The following NME3 variants were observed in gnomAD, a reference collection of about 807,000 sequenced individuals.
NME3 encodes NME/NM23 nucleoside diphosphate kinase 3, also known as nucleoside diphosphate kinase C.
NME3 carries 23 observed loss-of-function variants against 15.8 expected under a neutral mutation model. That is an observed-to-expected ratio of 1.45 (90% CI 1.05 to 2.06). NME3 has a LOEUF of 2.06. NME3 is among the 30% of genes most tolerant of loss of function. NME3 has a pLI of 0.00. For synonymous variants in NME3, 157 were observed against 104.4 expected, an observed-to-expected ratio of 1.50 and a Z score of -3.07; for missense variants, 354 against 243.2, an observed-to-expected ratio of 1.46 and a Z score of -3.03.
rs1259585312 is a variant in NME3, at chr16:1,771,387, T to C, written c.70A>G (p.Thr24Ala). 4 of 1,551,418 alleles carry C rather than the reference T, an allele frequency of 2.6e-6. No homozygotes were observed. Among genetic ancestry groups the C allele is most frequent in the Non-Finnish European group, 2.6e-6 (3 of 1,149,682 alleles). Residue 24 changes from threonine to alanine, a missense_variant, in exon 2 of 5, where the codon ACC becomes GCC. Thr to Ala is a moderately conservative substitution (Grantham distance 58). Coordinates refer to ENST00000219302, the MANE Select transcript of NME3 (RefSeq NM_002513.3). ...PAACTGAHER[T>A]FLAVKPDGVQ... ...CCGTCCGGCTTCACGGCCAGGAAGGTGCGTTCGTGTGCGCCGGTGCAGGCT... is the reference window on the plus strand; with the variant it reads ...CCGTCCGGCTTCACGGCCAGGAAGGCGCGTTCGTGTGCGCCGGTGCAGGCT...
intron 1 of NME3, 28 bp downstream of exon 1, chr16:1,771,461 C>A: frequency 7.5e-7 from 1 of 1,341,396 alleles, no homozygotes; most frequent in Non-Finnish European, 9.5e-7. Context: ...ACCGGCCACC[C>A]GCCCCCGGCC....
chr16:1,771,314 T>G lies in NME3; in HGVS notation c.143A>C (p.Lys48Thr). ...VGEIVRRFER[K>T]GFKLVALKLV... ...CTTCAGCGCCACCAACTTGAAGCCC[T>G]TCCTCTCGAAGCGCCGCACAATCTC... The change falls in exon 2 of 5, where the codon AAG (lysine) becomes ACG (threonine). Residue 48 changes from lysine (K) to threonine (T), a missense_variant. Physicochemically the swap from Lys to Thr is moderately conservative, Grantham distance 78. Coordinates refer to ENST00000219302, the MANE Select transcript of NME3 (RefSeq NM_002513.3). 1 of 1,605,840 alleles carries G rather than the reference T, an allele frequency of 6.2e-7. No individual in the cohort carries two copies. The highest frequency in any genetic ancestry group is 8.5e-7 in the Non-Finnish European group (1 of 1,177,636).
intron 3 of NME3, 26 bp from the exon 4 acceptor site, chr16:1,771,019 C>T (rs953788321): frequency 1.9e-6 from 3 of 1,593,490 alleles, no homozygotes; most frequent in Admixed American, 3.4e-5. Context: ...GGCGCGGTAT[C>T]ACGCGGGGGT....
Position 1,770,902 on chromosome 16 carries a change from T to G in NME3, c.371A>C (p.Asp124Ala), listed in dbSNP as rs2042578254. ...ADAPPGTIRG[D>A]FCIEVGKNLI... ...TTACTTGCCAACCTCGATGCAGAAA[T>G]CCCCGCGGATGGTGCCGGGCGGGGC... The change falls in exon 4 of 5, where the codon GAT becomes GCT. Residue 124 changes from aspartate to alanine, a missense_variant. Asp to Ala is a moderately radical substitution (Grantham distance 126). Transcript: ENST00000219302. 1 of 1,582,790 alleles carries G rather than the reference T, an allele frequency of 6.3e-7. No homozygotes were observed. The highest frequency in any genetic ancestry group is 8.6e-7 in the Non-Finnish European group (1 of 1,161,008).
rs754843318 is a variant in NME3 at position 1,770,666 on chromosome 16, G to A, written c.493C>T (p.His165Tyr). Reference protein sequence around the residue: ...ELLCWEDSAGHWLYE With the variant: ...ELLCWEDSAGYWLYE ...CTGCCGGGCTACTCATACAGCCAGTGCCCAGCGCTGTCCTCCCAGCAGAGG... is the reference window on the plus strand; with the variant it reads ...CTGCCGGGCTACTCATACAGCCAGTACCCAGCGCTGTCCTCCCAGCAGAGG... Residue 165 changes from histidine to tyrosine, a missense_variant, in exon 5 of 5, where the codon CAC (histidine) becomes TAC (tyrosine). His to Tyr is a moderately conservative substitution (Grantham distance 83, BLOSUM62 2). Coordinates refer to ENST00000219302, the MANE Select transcript of NME3 (RefSeq NM_002513.3). 6 of 1,583,084 alleles carry A rather than the reference G, an allele frequency of 3.8e-6. No homozygotes were observed. The highest frequency in any genetic ancestry group is 2.3e-5 in the East Asian group (1 of 43,458).
chr16:1,770,527 G>A lies in NME3; in HGVS notation c.*122C>T. 9.8e-6 allele frequency: 7 copies of A among 715,030 alleles called. No homozygotes were observed. The highest frequency in any genetic ancestry group is 3.1e-5 in the Admixed American group (1 of 31,842). 44.3% of individuals were successfully genotyped at this position (715,030 alleles called of 1,614,324 possible). A position where few individuals can be genotyped will look rare whatever the true frequency, so the allele number is the denominator to read the frequency against. On this transcript the variant is annotated 3_prime_UTR_variant, in exon 5 of 5. Coordinates refer to ENST00000219302, the MANE Select transcript of NME3 (RefSeq NM_002513.3). ...CCCTCCATGCAACGTCCAGACAGGT[G>A]GATGTTCAGCAGCCCGTCCAAAGGG...
At chr16:1,771,199 C>A (rs768578080) in intron 2 of NME3, 28 bp from the exon 3 acceptor site, 1 of 1,580,864 alleles carries the variant, frequency 6.3e-7, no homozygotes, top group South Asian at 1.1e-5. Context: ...CGCCTGCGCC[C>A]GCACCCGGCA....
intron 2 of NME3, 50 bp from the exon 3 acceptor site, chr16:1,771,221 C>T (rs776099546): frequency 6.4e-7 from 1 of 1,569,512 alleles, no homozygotes; most frequent in South Asian, 1.1e-5. Context: ...CTAGGCGTCC[C>T]CAGGTCCCCG....
chr16:1,771,452 C>G (rs1202521813), intron 1 of NME3, 37 bp downstream of exon 1: 2 of 1,383,258 alleles, frequency 1.4e-6, no homozygotes, highest in Non-Finnish European at 1.9e-6. Flanking sequence ...CGGCCCAGCA[C>G]CGGCCACCCG....
At chr16:1,770,800 G>C in intron 4 of NME3, 34 bp from the exon 5 acceptor site, 1 of 1,589,752 alleles carries the variant, frequency 6.3e-7, no homozygotes. Context: ...GCGTGGGAAA[G>C]AGACCTCCGG....
Position 1,770,709 on chromosome 16 carries a change from CCA to C in NME3, c.448_449del (p.Trp150ValfsTer19). On this transcript the variant is annotated frameshift_variant, in exon 5 of 5. Coordinates refer to ENST00000219302, the MANE Select transcript of NME3 (RefSeq NM_002513.3). LOFTEE classifies it low-confidence loss of function (END_TRUNC). ...AGCAGAGGAGCTCGTCTGCGCGGAA[CCA>C]GAGAGCGATCTCGCGGCGGGCACTC... is the stretch of plus-strand genomic sequence containing the variant. Reference protein sequence around the residue: ...VESARREIALWFRADELLCWE... With the variant: ...VESARREIALXFRADELLCWE... 6.3e-7 allele frequency: 1 copy of C among 1,590,616 alleles called. No individual in the cohort carries two copies. The highest frequency in any genetic ancestry group is 1.1e-5 in the South Asian group (1 of 88,422).
chr16:1,771,367 C>T lies in NME3; in HGVS notation c.90G>A (p.Pro30=). 6.3e-7 allele frequency: 1 copy of T among 1,576,606 alleles called. No homozygotes were observed. The highest frequency in any genetic ancestry group is 1.2e-5 in the South Asian group (1 of 86,578). Residue 30 remains proline (P), a synonymous_variant, in exon 2 of 5, where the codon CCG becomes CCA. Coordinates refer to ENST00000219302, the MANE Select transcript of NME3 (RefSeq NM_002513.3). ...AHERTFLAVK[P]DGVQRRLVGE... ...CCACCAGCCGCCGCTGCACGCCGTC[C>T]GGCTTCACGGCCAGGAAGGTGCGTT... is the stretch of plus-strand genomic sequence containing the variant.
Position 1,770,435 on chromosome 16 carries a change from G to C in NME3, c.*214C>G. On this transcript the variant is annotated 3_prime_UTR_variant, in exon 5 of 5. Coordinates refer to ENST00000219302, the MANE Select transcript of NME3 (RefSeq NM_002513.3). Reference sequence around the variant, plus strand: ...CCTGGCACGTTTCCAGGCGAGCCGCGCAGGCTCCTGGAGCAGCTCCTCGGG... The same window carrying C: ...CCTGGCACGTTTCCAGGCGAGCCGCCCAGGCTCCTGGAGCAGCTCCTCGGG... 1 of 451,314 alleles carries C rather than the reference G, an allele frequency of 2.2e-6. No individual in the cohort carries two copies. The highest frequency in any genetic ancestry group is 3.9e-6 in the Non-Finnish European group (1 of 255,666). The allele number at this position is 451,314 out of a possible 1,614,324, so 28.0% of individuals were successfully genotyped here. A position where few individuals can be genotyped will look rare whatever the true frequency, so the allele number is the denominator to read the frequency against.
In NME3 at chr16:1,771,348, G is replaced by T. The variant is rs981893786; in HGVS notation, c.109C>A (p.Leu37Met). Residue 37 changes from leucine to methionine, a missense_variant, in exon 2 of 5, where the codon CTG becomes ATG. Coordinates refer to ENST00000219302, the MANE Select transcript of NME3 (RefSeq NM_002513.3). The stretch of plus-strand genomic sequence containing the variant: ...AAGCGCCGCACAATCTCGCCCACCA[G>T]CCGCCGCTGCACGCCGTCCGGCTTC... ...AVKPDGVQRR[L>M]VGEIVRRFER... 1.9e-6 allele frequency: 3 copies of T among 1,592,828 alleles called. No homozygotes were observed. The highest frequency in any genetic ancestry group is 2.7e-5 in the African/African-American group (2 of 74,330).
Position 1,770,621 on chromosome 16 carries a change from A to G in NME3, c.*28T>C. On this transcript the variant is annotated 3_prime_UTR_variant, in exon 5 of 5. Coordinates refer to ENST00000219302, the MANE Select transcript of NME3 (RefSeq NM_002513.3). The stretch of plus-strand genomic sequence containing the variant: ...GGGCCCTGGAGGAGGCTGGAGTGTG[A>G]GAGCCTCTGTGACGCGCATCTGCCG... 6.5e-7 allele frequency: 1 copy of G among 1,528,236 alleles called. No homozygotes were observed. Among genetic ancestry groups the G allele is most frequent in the Non-Finnish European group, 8.9e-7 (1 of 1,126,722 alleles). The allele number at this position is 1,528,236 out of a possible 1,614,324, so 94.7% of individuals were successfully genotyped here. A position where few individuals can be genotyped will look rare whatever the true frequency, so the allele number is the denominator to read the frequency against.
chr16:1,770,830 G>A (rs376161895), intron 4 of NME3, 51 bp downstream of exon 4: 8 of 1,574,576 alleles, frequency 5.1e-6, no homozygotes, highest in African/African-American at 4.0e-5. Context: ...CACGCAGGCT[G>A]AACAGGGGGA....
chr16:1,771,336 T>C lies in NME3; in HGVS notation c.121A>G (p.Ile41Val). Residue 41 changes from isoleucine to valine, a missense_variant, in exon 2 of 5, where the codon ATT (isoleucine) becomes GTT (valine). Ile to Val is a conservative substitution (Grantham distance 29). Coordinates refer to ENST00000219302, the MANE Select transcript of NME3 (RefSeq NM_002513.3). Reference sequence around the variant, plus strand: ...CCCTTCCTCTCGAAGCGCCGCACAATCTCGCCCACCAGCCGCCGCTGCACG... The same window carrying C: ...CCCTTCCTCTCGAAGCGCCGCACAACCTCGCCCACCAGCCGCCGCTGCACG... ...DGVQRRLVGE[I>V]VRRFERKGFK... The C allele has an allele frequency of 6.3e-7, 1 of 1,599,702 alleles. No homozygotes were observed. Among genetic ancestry groups the C allele is most frequent in the Non-Finnish European group, 8.5e-7 (1 of 1,174,830 alleles).
rs2042579878 is a variant in NME3, at chr16:1,770,949, G to T, written c.324C>A (p.Ile108=). The part of the protein sequence containing the change: ...LDVVRTSRAL[I]GATNPADAPP... ...GGGCGTCGGCCGGGTTCGTGGCTCC[G>T]ATGAGCGCCCGCGAGGTGCGCACCA... Residue 108 remains isoleucine (I), a synonymous_variant, in exon 4 of 5, where the codon ATC becomes ATA. Transcript: ENST00000219302. 9 of 1,586,876 alleles carry T rather than the reference G, an allele frequency of 5.7e-6. No homozygotes were observed. The East Asian group carries it at 1.8e-4, about 32-fold the overall frequency.
chr16:1,771,041 A>G (rs1204964455), intron 3 of NME3, 29 bp downstream of exon 3: 1 of 1,596,056 alleles, frequency 6.3e-7, no homozygotes, highest in South Asian at 1.1e-5. Context: ...GGGGTCCCGG[A>G]GCCGCCCGCC....
Sources: gnomAD v4.1 joint callset for allele counts on GRCh38, gnomAD v4.1.1 for gene constraint, MANE v1.5 for transcripts, NCBI Gene and HGNC (gene_info 2026-07-23, HGNC 2026-07-21) for gene names.